Variants in PTPRQ observed in about 807,000 individuals in gnomAD.
PTPRQ encodes the protein phosphatidylinositol phosphatase PTPRQ.
PTPRQ carries 199 observed loss-of-function variants against 246.0 expected under a neutral mutation model. That is an observed-to-expected ratio of 0.81 (90% confidence interval 0.72 to 0.91). The LOEUF is 0.91. PTPRQ is among the 40% of genes least tolerant of loss of function. PTPRQ has a pLI of 0.00. For missense variants in PTPRQ, 2,624 were observed against 2,528.4 expected (o/e 1.04, Z -0.81); for synonymous variants, 869 against 853.2 (o/e 1.02, Z -0.32).
chr12:80,549,158 G>GC (rs2120868709), intron 24 of PTPRQ, among the ~76,000 whole-genome samples: 1 of 152,160 alleles, frequency 6.6e-6, no homozygotes, highest in East Asian at 1.9e-4. Flanking sequence ...ATCAAACACT[G>GC]CCTGGGCCTG....
At chr12:80,589,612 C>T (rs1897726568) in intron 26 of PTPRQ, among the ~76,000 whole-genome samples, 1 of 152,140 alleles carries the variant, frequency 6.6e-6, no homozygotes, top group Non-Finnish European at 1.5e-5. Flanking sequence ...AATTGTGTCT[C>T]CTGTTACAAT....
chr12:80,608,517 A>G (rs967695824), intron 27 of PTPRQ, among the ~76,000 whole-genome samples: 3 of 137,582 alleles, frequency 2.2e-5, no homozygotes, highest in African/African-American at 5.6e-5. Context: ...TTTGTTATCT[A>G]TTGTTTTAAT....
intron 17 of PTPRQ, among the ~76,000 whole-genome samples, chr12:80,533,348 T>C (rs889920575): frequency 6.6e-6 from 1 of 152,004 alleles, no homozygotes; most frequent in Non-Finnish European, 1.5e-5. Flanking sequence ...TTGGAGAGTT[T>C]TGAGTCAATA....
At chr12:80,597,298 G>A (rs570079463) in intron 26 of PTPRQ, among the ~76,000 whole-genome samples, 2 of 152,026 alleles carry the variant, frequency 1.3e-5, no homozygotes, top group East Asian at 1.9e-4. Context: ...CCAGTATGAC[G>A]ATGGCCTTAC....
rs1046355086 is a variant in PTPRQ, at chr12:80,444,396, A to C, written c.51A>C (p.Thr17=). The change falls in exon 1 of 45, where the codon ACA becomes ACC. Residue 17 remains threonine, a synonymous_variant. Coordinates refer to ENST00000644991, the MANE Select transcript of PTPRQ (RefSeq NM_001145026.2). ...TACTTTTTATTGGGACTTCAGAGAC[A>C]CAGGTATTTCGTATACACTCTTTAA... ...FLLLFIGTSE[T]QVDVSNVVPG... 5 of 1,456,518 alleles carry C rather than the reference A, an allele frequency of 3.4e-6. No individual in the cohort carries two copies. The highest frequency in any genetic ancestry group is 3.5e-4 in the Middle Eastern group (2 of 5,762). The allele number at this position is 1,456,518 out of a possible 1,614,324, so 90.2% of individuals were successfully genotyped here.
chr12:80,617,698 T>C (rs867600628), intron 30 of PTPRQ, among the ~76,000 whole-genome samples: 10 of 151,448 alleles, frequency 6.6e-5, no homozygotes, highest in South Asian at 4.1e-4. Context: ...AGAAGATATA[T>C]GAACAATGTC....
At chr12:80,537,408 G>A (rs147713107) in intron 19 of PTPRQ, among the ~76,000 whole-genome samples, 90 of 152,168 alleles carry the variant, frequency 5.9e-4, no homozygotes, top group African/African-American at 2.0e-3. Context: ...TCCTATTACC[G>A]ATAACTGTTG....
At chr12:80,451,240 T>A (rs1892759351) in intron 3 of PTPRQ, among the ~76,000 whole-genome samples, 1 of 149,408 alleles carries the variant, frequency 6.7e-6, no homozygotes, top group Non-Finnish European at 1.5e-5. Flanking sequence ...TTTATCATTT[T>A]TTATTGCATC....
intron 15 of PTPRQ, 92 bp from the exon 16 acceptor site, chr12:80,506,477 G>T (rs1469669742): frequency 6.7e-6 from 7 of 1,050,216 alleles, no homozygotes; most frequent in African/African-American, 1.6e-5. Flanking sequence ...ATTTTTGGAA[G>T]ATTGTGTTGA....
intron 35 of PTPRQ, among the ~76,000 whole-genome samples, chr12:80,643,306 C>T (rs549299353): frequency 6.6e-6 from 1 of 151,996 alleles, no homozygotes; most frequent in East Asian, 1.9e-4. Context: ...GGCATAGTGG[C>T]AGACACCTGT....
intron 17 of PTPRQ, among the ~76,000 whole-genome samples, chr12:80,531,284 A>T (rs1290065470): frequency 6.6e-6 from 1 of 152,166 alleles, no homozygotes; most frequent in Non-Finnish European, 1.5e-5. Flanking sequence ...AGAGAAAAAA[A>T]TCAGGATATA....
At chr12:80,491,679 CAGA>C (rs1244642599) in intron 9 of PTPRQ, among the ~76,000 whole-genome samples, 5 of 151,864 alleles carry the variant, frequency 3.3e-5, no homozygotes, top group African/African-American at 1.2e-4. Context: ...TTTTATCTTT[CAGA>C]AGAATTAATA....
At chr12:80,504,030 TTC>T (rs1320762717) in intron 14 of PTPRQ, among the ~76,000 whole-genome samples, 1 of 151,694 alleles carries the variant, frequency 6.6e-6, no homozygotes, top group Non-Finnish European at 1.5e-5. Context: ...GTTTAAAAAT[TTC>T]TGCTTGAGAT....
intron 26 of PTPRQ, among the ~76,000 whole-genome samples, chr12:80,602,096 C>T (rs894160514): frequency 1.3e-5 from 2 of 151,590 alleles, no homozygotes; most frequent in Non-Finnish European, 3.0e-5. Context: ...TCTTTGAGTA[C>T]GGGGTGTCAA....
At chr12:80,454,780 A>G (rs1327828193) in intron 3 of PTPRQ, among the ~76,000 whole-genome samples, 1 of 152,242 alleles carries the variant, frequency 6.6e-6, no homozygotes, top group Non-Finnish European at 1.5e-5. Context: ...TAAGTTTAAT[A>G]AAAAAGTAGA....
chr12:80,612,159 G>A (rs903448012), intron 28 of PTPRQ, among the ~76,000 whole-genome samples: 2 of 150,270 alleles, frequency 1.3e-5, no homozygotes, highest in African/African-American at 2.4e-5. Flanking sequence ...ATTATGTTAT[G>A]CATCAAGAAG....
chr12:80,665,542 C>T (rs1900758589), intron 39 of PTPRQ, among the ~76,000 whole-genome samples: 1 of 151,868 alleles, frequency 6.6e-6, no homozygotes, highest in Non-Finnish European at 1.5e-5. Context: ...ATTTTCCCTG[C>T]AAATCTGTTC....
intron 23 of PTPRQ, among the ~76,000 whole-genome samples, chr12:80,545,235 A>T (rs1422479399): frequency 6.6e-6 from 1 of 152,120 alleles, no homozygotes; most frequent in Non-Finnish European, 1.5e-5. Context: ...ACATGTGTCT[A>T]TAATCTCCAG....
At chr12:80,648,036 G>T (rs908473382) in intron 35 of PTPRQ, among the ~76,000 whole-genome samples, 2 of 151,338 alleles carry the variant, frequency 1.3e-5, no homozygotes, top group Non-Finnish European at 2.9e-5. Context: ...ACCTCTTTTT[G>T]ACCATTTTCA....
Sources: gnomAD v4.1 joint callset for allele counts (sites outside exome capture counted in the v4.1 genomes callset) on GRCh38, gnomAD v4.1.1 for gene constraint, MANE v1.5 for transcripts, NCBI Gene and HGNC (gene_info 2026-07-23, HGNC 2026-07-21) for gene names.